The following NTN1 variants were observed in gnomAD, a reference collection of about 807,000 sequenced individuals.
The protein encoded by NTN1 is netrin-1.
In NTN1, 11 loss-of-function variants were observed where a neutral mutation model predicts 54.2. That is an observed-to-expected ratio of 0.20 (90% CI 0.13 to 0.34). NTN1 has a LOEUF of 0.34. Among genes scored for constraint, NTN1 ranks in the 10% least tolerant of loss-of-function variants. The probability of loss-of-function intolerance (pLI) is 1.00; values close to 1 mark genes in which losing one functional copy is unlikely to be tolerated. For missense variants in NTN1, 740 were observed against 893.1 expected (o/e 0.83, Z 2.18); for synonymous variants, 371 against 382.0 (o/e 0.97, Z 0.33).
intron 1 of NTN1, among the ~76,000 whole-genome samples, 162 bp from the exon 2 acceptor site, chr17:9,022,149 C>G (rs937140732): frequency 6.6e-6 from 1 of 152,136 alleles, no homozygotes; most frequent in Non-Finnish European, 1.5e-5. Context: ...TGGAGGGCCC[C>G]GGCTTCGCCG....
chr17:9,177,632 CAGT>C (rs2092404070), intron 3 of NTN1: 1 of 152,254 alleles, frequency 6.6e-6, no homozygotes, highest in African/African-American at 2.4e-5. Flanking sequence ...GCTTCGAAGA[CAGT>C]AGGAGCCTGT....
intron 2 of NTN1, among the ~76,000 whole-genome samples, chr17:9,058,039 C>T (rs1381845680): frequency 6.6e-6 from 1 of 152,190 alleles, no homozygotes; most frequent in Non-Finnish European, 1.5e-5. Context: ...AGGCACATGC[C>T]ACCATGCCTG....
chr17:9,033,220 C>T (rs549958341), intron 2 of NTN1, among the ~76,000 whole-genome samples: 9 of 152,142 alleles, frequency 5.9e-5, no homozygotes, highest in African/African-American at 1.7e-4. Context: ...TCCAAAAGTG[C>T]TGGGATTATA....
At position 9,139,890 on chromosome 17, in the gene NTN1, TTCATCCATTCATCCA is replaced by T. The variant is rs377595035; in HGVS notation, c.1019-22914_1019-22900del. On this transcript the variant is annotated intron_variant, in intron 2 of 6. Coordinates refer to ENST00000173229, the MANE Select transcript of NTN1 (RefSeq NM_004822.3). ...CATCGATTCCTCCATCATTTATTCA[TTCATCCATTCATCCA>T]TCATCCATCCATTCATCCATCATCC... 1.4e-3 allele frequency among the ~76,000 whole-genome samples: 203 copies of T among 147,936 alleles called. 1 individual carries two copies. The highest frequency in any genetic ancestry group is 4.9e-3 in the African/African-American group (184 of 37,604).
At position 9,240,140 on chromosome 17, in the gene NTN1, TACCCCC is replaced by T. The variant is rs1906153415; in HGVS notation, c.*177_*182del. 3.8e-6 allele frequency: 1 copy of T among 260,176 alleles called. No individual in the cohort carries two copies. Among genetic ancestry groups the T allele is most frequent in the Admixed American group, 6.3e-5 (1 of 15,878 alleles). 16.1% of individuals were successfully genotyped at this position (260,176 alleles called of 1,614,324 possible). On this transcript the variant is annotated 3_prime_UTR_variant, in exon 7 of 7. Transcript: ENST00000173229. ...CGGGACCCTCGGCGGCCCCTCCCCC[TACCCCC>T]ACCCTGCGCGCTCTGGGCGGGAGCC...
At chr17:9,028,118 CT>C (rs1053279624) in intron 2 of NTN1, among the ~76,000 whole-genome samples, 1 of 151,890 alleles carries the variant, frequency 6.6e-6, no homozygotes, top group African/African-American at 2.4e-5. Context: ...GAGTGAGACT[CT>C]GTCTCCAAAA....
the NTN1 span, among the ~76,000 whole-genome samples, chr17:9,013,444 G>A: frequency 6.6e-6 from 1 of 152,062 alleles, no homozygotes; most frequent in Non-Finnish European, 1.5e-5. Context: ...TTGAACTCCC[G>A]ACTTCAGGTG....
chr17:9,189,048 A>G (rs1181779093), intron 5 of NTN1, among the ~76,000 whole-genome samples: 1 of 152,272 alleles, frequency 6.6e-6, no homozygotes, highest in Non-Finnish European at 1.5e-5. Flanking sequence ...GACCAGACCC[A>G]GAATAAAAGA....
intron 2 of NTN1, among the ~76,000 whole-genome samples, chr17:9,144,481 C>G (rs1392352290): frequency 1.3e-5 from 2 of 152,196 alleles, no homozygotes; most frequent in Non-Finnish European, 2.9e-5. Context: ...GATTTGAACT[C>G]CTGCATCGGC....
chr17:9,132,736 C>T (rs1271865090), intron 2 of NTN1, among the ~76,000 whole-genome samples: 1 of 152,100 alleles, frequency 6.6e-6, no homozygotes, highest in African/African-American at 2.4e-5. Context: ...TAGCCAGGTG[C>T]AGTGACACAT....
intron 2 of NTN1, among the ~76,000 whole-genome samples, chr17:9,088,579 C>T (rs1172607696): frequency 6.6e-6 from 1 of 152,150 alleles, no homozygotes; most frequent in African/African-American, 2.4e-5. Context: ...GTCCCACCTC[C>T]ACCCGCTCCT....
intron 5 of NTN1, 195 bp downstream of exon 5, chr17:9,183,164 A>G: frequency 1.4e-6 from 1 of 689,824 alleles, no homozygotes; most frequent in South Asian, 1.6e-5. Flanking sequence ...TTTCCCTCTG[A>G]GAATCAAATG....
At chr17:9,208,133 G>A (rs1905015765) in intron 5 of NTN1, among the ~76,000 whole-genome samples, 2 of 152,224 alleles carry the variant, frequency 1.3e-5, no homozygotes, top group Admixed American at 6.5e-5. Flanking sequence ...TCGGGAGGCT[G>A]AGGCAGAAGA....
chr17:9,187,232 G>T (rs903162619), intron 5 of NTN1, among the ~76,000 whole-genome samples: 1 of 152,136 alleles, frequency 6.6e-6, no homozygotes, highest in African/African-American at 2.4e-5. Context: ...GAGGACAGGC[G>T]TGGAGAGTCA....
chr17:9,228,570 C>A (rs1487044960), intron 6 of NTN1, among the ~76,000 whole-genome samples: 1 of 152,220 alleles, frequency 6.6e-6, no homozygotes, highest in African/African-American at 2.4e-5. Flanking sequence ...ACAGAGAGCT[C>A]ACATTCTGAA....
At chr17:9,149,756 A>C (rs2092322260) in intron 2 of NTN1, among the ~76,000 whole-genome samples, 1 of 152,120 alleles carries the variant, frequency 6.6e-6, no homozygotes, top group Non-Finnish European at 1.5e-5. Flanking sequence ...GTGAGGTTTC[A>C]TGCAGGGTCT....
At chr17:9,155,519 T>G (rs572095125) in intron 2 of NTN1, among the ~76,000 whole-genome samples, 1 of 152,214 alleles carries the variant, frequency 6.6e-6, no homozygotes, top group African/African-American at 2.4e-5. Context: ...TTTGTATTTT[T>G]TAGTAGAGAC....
chr17:9,131,192 A>G (rs1237445013), intron 2 of NTN1, among the ~76,000 whole-genome samples: 1 of 152,166 alleles, frequency 6.6e-6, no homozygotes, highest in African/African-American at 2.4e-5. Flanking sequence ...CATTGACTCA[A>G]CAAGGGCTCC....
intron 2 of NTN1, among the ~76,000 whole-genome samples, chr17:9,129,825 G>A (rs559033271): frequency 1.1e-4 from 17 of 152,156 alleles, no homozygotes; most frequent in Non-Finnish European, 2.2e-4. Context: ...TTCCTGTTTG[G>A]TGGTCCCAGA....
Sources: allele counts gnomAD v4.1 joint callset (sites outside exome capture counted in the v4.1 genomes callset), GRCh38; gene constraint gnomAD v4.1.1; transcripts MANE v1.5; gene names NCBI Gene and HGNC (gene_info 2026-07-23, HGNC 2026-07-21).